The following C8B variants were observed in gnomAD, a reference collection of about 807,000 sequenced individuals.
C8B encodes complement component C8 beta chain.
A neutral mutation model predicts 64.6 loss-of-function variants in C8B; 67 were observed. The observed-to-expected ratio is 1.04, with a 90% confidence interval of 0.85 to 1.27. The LOEUF (loss-of-function observed/expected upper bound fraction) is 1.27, where lower values mean the gene tolerates loss of function less well. C8B is among the 50% of genes most tolerant of loss of function. The pLI, the probability that C8B is intolerant of heterozygous loss-of-function variation, is 0.00. For missense variants in C8B, 790 were observed against 725.2 expected (o/e 1.09, Z -1.03); for synonymous variants, 284 against 257.7 (o/e 1.10, Z -0.98).
chr1:56,952,073 T>C lies in C8B; in HGVS notation c.641A>G (p.Tyr214Cys), dbSNP rs1162980279. 1.2e-6 allele frequency: 2 copies of C among 1,614,120 alleles called. No homozygotes were observed. Among genetic ancestry groups the C allele is most frequent in the Admixed American group, 1.7e-5 (1 of 60,022 alleles). The change falls in exon 5 of 12, where the codon TAC becomes TGC. Residue 214 changes from tyrosine to cysteine, a missense_variant. Transcript: ENST00000371237. ...CTGTGGCGTGTAGCTTTCCACATTG[T>C]AGGGCTTCCTAAACCTCGTGTTCAG... ...YILNTRFRKP[Y>C]NVESYTPQTQ...
At chr1:56,929,620 G>A (rs1644667315) in intron 11 of C8B, 62 bp from the exon 12 acceptor site, 8 of 1,542,730 alleles carry the variant, frequency 5.2e-6, no homozygotes, top group Non-Finnish European at 6.3e-6. Flanking sequence ...GCCTTACTGG[G>A]GTTGGGTGAG....
At chr1:56,933,526 C>T (rs374104718) in intron 9 of C8B, 38 bp from the exon 10 acceptor site, 41 of 1,585,942 alleles carry the variant, frequency 2.6e-5, no homozygotes, top group Non-Finnish European at 3.3e-5. Flanking sequence ...AAGAGAAAAA[C>T]ATTTATCAAG....
chr1:56,943,800 G>A lies in C8B; in HGVS notation c.1130C>T (p.Ala377Val). The change falls in exon 8 of 12, where the codon GCC (alanine) becomes GTC (valine). Residue 377 changes from alanine to valine, a missense_variant. Physicochemically the swap from Ala to Val is moderately conservative, Grantham distance 64. Coordinates refer to ENST00000371237, the MANE Select transcript of C8B (RefSeq NM_000066.4). ...AATTTTAAAATCATTTTTGGCACAG[G>A]CATGGACGTTGTTAAGAGTATAATC... ...RGDYTLNNVH[A>V]CAKNDFKIGG... The A allele has an allele frequency of 1.2e-6, 2 of 1,614,014 alleles. No homozygotes were observed. The highest frequency in any genetic ancestry group is 1.1e-5 in the South Asian group (1 of 91,074).
At chr1:56,938,891 G>GAA (rs3216676) in intron 9 of C8B, among the ~76,000 whole-genome samples, 175 of 150,068 alleles carry the variant, frequency 1.2e-3, no homozygotes, top group African/African-American at 3.5e-3. Context: ...CCTCTTGCCA[G>GAA]AAAAAAAAAA....
Position 56,943,799 on chromosome 1 carries a change from G to A in C8B, c.1131C>T (p.Ala377=). 1 of 1,614,050 alleles carries A rather than the reference G, an allele frequency of 6.2e-7. No individual in the cohort carries two copies. Among genetic ancestry groups the A allele is most frequent in the Admixed American group, 1.7e-5 (1 of 60,024 alleles). The change falls in exon 8 of 12, where the codon GCC becomes GCT. Residue 377 remains alanine (A), a synonymous_variant. Transcript: ENST00000371237. ...CAATTTTAAAATCATTTTTGGCACA[G>A]GCATGGACGTTGTTAAGAGTATAAT... ...RGDYTLNNVH[A]CAKNDFKIGG...
rs149848224 is a variant in C8B, at chr1:56,945,852, G to T, written c.1074C>A (p.Leu358=). Reference sequence around the variant, plus strand: ...TCTCCATGGCCTCTTTGTTCATAACGAGGGTGTATTCATAAATGCCCCCAA... The same window carrying T: ...TCTCCATGGCCTCTTTGTTCATAACTAGGGTGTATTCATAAATGCCCCCAA... ...AVLGGIYEYT[L]VMNKEAMERG... is the part of the protein sequence containing the mutation. The change falls in exon 7 of 12, where the codon CTC becomes CTA. Residue 358 remains leucine (L), a synonymous_variant. Transcript: ENST00000371237. The T allele has an allele frequency of 3.0e-5, 48 of 1,613,946 alleles. No homozygotes were observed. Among genetic ancestry groups the T allele is most frequent in the Admixed American group, 8.3e-5 (5 of 60,004 alleles).
In C8B at chr1:56,956,936, C is replaced by A. The variant is rs750982520; in HGVS notation, c.250-26G>T. 99 of 1,613,582 alleles carry A rather than the reference C, an allele frequency of 6.1e-5. 1 individual carries two copies. In the South Asian group the frequency reaches 1.0e-3, roughly 17 times the overall value. ...CTGTAGCAGAGAGGAGCCAGGTGAA[C>A]CAAGGGTAAAGCCTTAGATCTCAGG... On this transcript the variant is annotated intron_variant, in intron 2 of 11. Coordinates refer to ENST00000371237, the MANE Select transcript of C8B (RefSeq NM_000066.4).
At chr1:56,949,962 T>TA (rs1644997538) in intron 5 of C8B, among the ~76,000 whole-genome samples, 2 of 152,006 alleles carry the variant, frequency 1.3e-5, no homozygotes, top group African/African-American at 4.8e-5. Context: ...GGTGAAAACT[T>TA]AGAGGTTGGT....
chr1:56,935,329 C>T (rs1557727664), intron 9 of C8B, among the ~76,000 whole-genome samples: 1 of 152,090 alleles, frequency 6.6e-6, no homozygotes, highest in Non-Finnish European at 1.5e-5. Context: ...CTTTGATTTG[C>T]TGCTCATTTT....
intron 7 of C8B, among the ~76,000 whole-genome samples, chr1:56,945,005 T>G (rs1644920532): frequency 1.3e-5 from 2 of 152,004 alleles, no homozygotes; most frequent in South Asian, 2.1e-4. Flanking sequence ...AGGGGAGGGA[T>G]GGGGGTGGAA....
At position 56,945,973 on chromosome 1, in the gene C8B, A is replaced by G; in HGVS notation, c.953T>C (p.Leu318Pro). Residue 318 changes from leucine to proline, a missense_variant, in exon 7 of 12, where the codon CTT becomes CCT. Physicochemically the swap from Leu to Pro is moderately conservative, Grantham distance 98 (BLOSUM62 -3). Coordinates refer to ENST00000371237, the MANE Select transcript of C8B (RefSeq NM_000066.4). ...CAGGGGCAGCCGCTTAACTCTCTGA[A>G]GGAACTCGTAATGGAGCATGAGGCT... ...PRSLMLHYEFLQRVKRLPLEY... is the reference protein window; with the variant it reads ...PRSLMLHYEFPQRVKRLPLEY... 6.2e-7 allele frequency: 1 copy of G among 1,614,174 alleles called. No homozygotes were observed. Among genetic ancestry groups the G allele is most frequent in the Non-Finnish European group, 8.5e-7 (1 of 1,180,028 alleles).
chr1:56,953,708 C>T (rs1323928318), intron 4 of C8B, among the ~76,000 whole-genome samples: 4 of 152,178 alleles, frequency 2.6e-5, no homozygotes, highest in South Asian at 2.1e-4. Context: ...TAAAGTTCCA[C>T]GTAGATAAGT....
Position 56,965,954 on chromosome 1 carries a change from CA to C in C8B, c.-7del. 6.2e-7 allele frequency: 1 copy of C among 1,613,560 alleles called. No homozygotes were observed. The highest frequency in any genetic ancestry group is 1.3e-5 in the African/African-American group (1 of 74,882). On this transcript the variant is annotated 5_prime_UTR_variant, in exon 1 of 12. It adds an upstream start codon to the 5' untranslated region. Coordinates refer to ENST00000371237, the MANE Select transcript of C8B (RefSeq NM_000066.4). ...CATGTCCTGGAATTCTTCATTTTCCCAATGTGACAGGAGATGCCACAGAGGC... is the reference window on the plus strand; with the variant it reads ...CATGTCCTGGAATTCTTCATTTTCCCATGTGACAGGAGATGCCACAGAGGC...
rs758163769 is a variant in C8B at position 56,965,859 on chromosome 1, G to A, written c.90C>T (p.Ser30=). The change falls in exon 1 of 12, where the codon TCC becomes TCT. Residue 30 remains serine, a splice_region_variant and synonymous_variant. Coordinates refer to ENST00000371237, the MANE Select transcript of C8B (RefSeq NM_000066.4). ...AATTATTGGTAACTGTCACTTACCT[G>A]GAGCCAGGCAAACTGAGACAGCCCA... ...AALGCLSLPG[S]RGERPHSFGS... 1 of 1,614,082 alleles carries A rather than the reference G, an allele frequency of 6.2e-7. No homozygotes were observed. Among genetic ancestry groups the A allele is most frequent in the Non-Finnish European group, 8.5e-7 (1 of 1,179,988 alleles).
intron 8 of C8B, 138 bp from the exon 9 acceptor site, chr1:56,941,150 T>C: frequency 1.0e-6 from 1 of 958,528 alleles, no homozygotes; most frequent in Non-Finnish European, 1.6e-6. Flanking sequence ...GACACTTCCT[T>C]GTCCACAGGG....
In C8B at chr1:56,929,578, T is replaced by C. The variant is rs605648; in HGVS notation, c.1622-20A>G. 1,395,112 of 1,611,508 alleles carry C rather than the reference T, an allele frequency of 0.87. 605,306 individuals carry two copies. Among genetic ancestry groups the C allele is most frequent in the South Asian group, 0.97 (88,003 of 91,062 alleles). ...GGGTATCTATAAGAAAGAAGGTCAA[T>C]AAGCATCAATCAGCACTTCTTATAT... is the stretch of plus-strand genomic sequence containing the variant. On this transcript the variant is annotated intron_variant, in intron 11 of 11. Coordinates refer to ENST00000371237, the MANE Select transcript of C8B (RefSeq NM_000066.4).
chr1:56,964,467 C>T (rs1454943009), intron 1 of C8B, among the ~76,000 whole-genome samples: 1 of 152,200 alleles, frequency 6.6e-6, no homozygotes, highest in African/African-American at 2.4e-5. Flanking sequence ...CTGGAAGCTT[C>T]AGGAGCAAGC....
intron 6 of C8B, among the ~76,000 whole-genome samples, chr1:56,947,615 T>C (rs1644960029): frequency 6.6e-6 from 1 of 152,154 alleles, no homozygotes; most frequent in African/African-American, 2.4e-5. Context: ...GCATATGCCA[T>C]GTTGTATTAC....
intron 2 of C8B, among the ~76,000 whole-genome samples, chr1:56,957,949 T>C (rs1191858523): frequency 6.6e-6 from 1 of 151,652 alleles, no homozygotes; most frequent in African/African-American, 2.4e-5. Flanking sequence ...GTCTGACAGG[T>C]GTGAAGAACT....
Sources: allele counts gnomAD v4.1 joint callset (sites outside exome capture counted in the v4.1 genomes callset), GRCh38; gene constraint gnomAD v4.1.1; transcripts MANE v1.5; gene names NCBI Gene and HGNC (gene_info 2026-07-23, HGNC 2026-07-21).